The following ARID5B variants were observed in gnomAD, a reference collection of about 807,000 sequenced individuals.
The protein encoded by ARID5B is AT-rich interactive domain-containing protein 5B.
A neutral mutation model predicts 97.2 loss-of-function variants in ARID5B; 13 were observed. That is an observed-to-expected ratio of 0.13 (90% CI 0.09 to 0.21). ARID5B has a LOEUF of 0.21. Among genes scored for constraint, ARID5B ranks in the 10% least tolerant of loss-of-function variants. The probability of loss-of-function intolerance (pLI) is 1.00; values close to 1 mark genes in which losing one functional copy is unlikely to be tolerated. For missense variants in ARID5B, 1,210 were observed against 1,465.3 expected (o/e 0.83, Z 2.84); for synonymous variants, 556 against 570.3 (o/e 0.97, Z 0.36).
At chr10:61,909,971 G>A (rs1055576500) in intron 2 of ARID5B, among the ~76,000 whole-genome samples, 1 of 152,194 alleles carries the variant, frequency 6.6e-6, no homozygotes, top group Non-Finnish European at 1.5e-5. Context: ...GGGCTTTGGG[G>A]TGGCAACCTA....
chr10:62,041,650 A>G (rs1839639145), intron 4 of ARID5B, among the ~76,000 whole-genome samples: 1 of 152,198 alleles, frequency 6.6e-6, no homozygotes, highest in Non-Finnish European at 1.5e-5. Flanking sequence ...AAATATCTCC[A>G]TGTTAATCCA....
At chr10:62,090,034 C>T (rs557167821) in intron 9 of ARID5B, among the ~76,000 whole-genome samples, 30 of 152,252 alleles carry the variant, frequency 2.0e-4, no homozygotes, top group Non-Finnish European at 3.8e-4. Flanking sequence ...GTAAATGAGT[C>T]GAATTGGTAC....
chr10:61,947,066 G>A (rs990641184), intron 3 of ARID5B, among the ~76,000 whole-genome samples: 10 of 152,088 alleles, frequency 6.6e-5, no homozygotes, highest in Middle Eastern at 3.4e-3. Context: ...CCATGCATTC[G>A]TTAAAGAATT....
intron 4 of ARID5B, among the ~76,000 whole-genome samples, chr10:62,015,026 T>TAGA (rs1000764510): frequency 1.2e-4 from 19 of 152,212 alleles, no homozygotes; most frequent in Admixed American, 9.8e-4. Flanking sequence ...CTTCATTAAT[T>TAGA]AGAACAACTC....
In ARID5B at chr10:62,095,513, C is replaced by T. The variant is rs927441022; in HGVS notation, c.*2483C>T. 6 of 233,534 alleles carry T rather than the reference C, an allele frequency of 2.6e-5. No individual in the cohort carries two copies. Among genetic ancestry groups the T allele is most frequent in the African/African-American group, 1.3e-4 (6 of 45,338 alleles). The allele number at this position is 233,534 out of a possible 1,614,324, so 14.5% of individuals were successfully genotyped here. ...TCACACCATTTTCAAACAATGTTAA[C>T]ATAGTCCAGCTTTTGTTTTTCTCAT... is the stretch of plus-strand genomic sequence containing the variant. On this transcript the variant is annotated 3_prime_UTR_variant, in exon 10 of 10. Coordinates refer to ENST00000279873, the MANE Select transcript of ARID5B (RefSeq NM_032199.3).
chr10:61,982,718 G>C (rs1446539548), intron 3 of ARID5B, among the ~76,000 whole-genome samples: 1 of 152,206 alleles, frequency 6.6e-6, no homozygotes, highest in Non-Finnish European at 1.5e-5. Flanking sequence ...CAAAGCCTTA[G>C]AAGCTGTTAG....
chr10:61,950,146 T>A (rs1589231717), intron 3 of ARID5B, among the ~76,000 whole-genome samples: 1 of 152,160 alleles, frequency 6.6e-6, no homozygotes, highest in African/African-American at 2.4e-5. Context: ...TAGCTGGGAT[T>A]ACAGACATGT....
At chr10:61,907,230 AG>A (rs1207752354) in intron 2 of ARID5B, among the ~76,000 whole-genome samples, 2 of 128,298 alleles carry the variant, frequency 1.6e-5, no homozygotes, top group Non-Finnish European at 3.7e-5. Flanking sequence ...CTGGATCAGC[AG>A]GATTTTTTTT....
At chr10:61,945,079 A>T (rs1321071592) in intron 3 of ARID5B, among the ~76,000 whole-genome samples, 1 of 152,176 alleles carries the variant, frequency 6.6e-6, no homozygotes, top group African/African-American at 2.4e-5. Context: ...TTAAAAGAGC[A>T]GAGGGTGGGC....
chr10:62,026,532 T>G (rs1273710015), intron 4 of ARID5B, among the ~76,000 whole-genome samples: 1 of 152,248 alleles, frequency 6.6e-6, no homozygotes, highest in East Asian at 1.9e-4. Flanking sequence ...AAATGAATCC[T>G]TCTTGTCAGA....
intron 4 of ARID5B, among the ~76,000 whole-genome samples, chr10:62,031,603 G>A (rs1327970161): frequency 6.6e-6 from 1 of 152,170 alleles, no homozygotes; most frequent in East Asian, 1.9e-4. Flanking sequence ...CAGCTTATTT[G>A]AAATGAAAAG....
chr10:62,073,356 GT>G (rs1364333269), intron 8 of ARID5B, among the ~76,000 whole-genome samples: 1 of 152,208 alleles, frequency 6.6e-6, no homozygotes, highest in African/African-American at 2.4e-5. Context: ...AATGTAGCCA[GT>G]TCCTCAGTAA....
intron 7 of ARID5B, among the ~76,000 whole-genome samples, chr10:62,062,859 G>A (rs1477020995): frequency 6.6e-6 from 1 of 151,226 alleles, no homozygotes; most frequent in Non-Finnish European, 1.5e-5. Flanking sequence ...GAAAACTGAG[G>A]CACTGGGAGA....
intron 3 of ARID5B, among the ~76,000 whole-genome samples, chr10:61,988,932 T>C (rs1838883620): frequency 1.1e-5 from 1 of 90,738 alleles, no homozygotes; most frequent in Non-Finnish European, 2.1e-5. Context: ...TTTTTTTTCT[T>C]TTACTTTTTT....
chr10:61,987,149 G>A (rs1838858225), intron 3 of ARID5B, among the ~76,000 whole-genome samples: 1 of 152,210 alleles, frequency 6.6e-6, no homozygotes, highest in Non-Finnish European at 1.5e-5. Flanking sequence ...TTTCCCACAT[G>A]CGATCTGTTA....
At chr10:61,943,613 A>G (rs1408291861) in intron 3 of ARID5B, among the ~76,000 whole-genome samples, 2 of 152,162 alleles carry the variant, frequency 1.3e-5, no homozygotes, top group African/African-American at 4.8e-5. Flanking sequence ...CAAAATAATT[A>G]GATTGGTTCT....
chr10:61,970,253 G>A (rs12249208), intron 3 of ARID5B, among the ~76,000 whole-genome samples: 11,460 of 152,254 alleles, frequency 0.075, 497 homozygotes, highest in East Asian at 0.15. Context: ...AACATAATTC[G>A]TTCATTGTAT....
chr10:62,057,467 A>G (rs1024951582), intron 6 of ARID5B, 149 bp downstream of exon 6: 1 of 859,850 alleles, frequency 1.2e-6, no homozygotes, highest in Non-Finnish European at 1.8e-6. Context: ...TTCCAGGCCA[A>G]GAATTTTTTC....
chr10:62,088,900 A>G (rs901898465), intron 9 of ARID5B, among the ~76,000 whole-genome samples: 4 of 152,216 alleles, frequency 2.6e-5, no homozygotes, highest in Admixed American at 6.5e-5. Context: ...TGGGAAGCTA[A>G]CATTTAACAT....
Sources: allele counts gnomAD v4.1 joint callset (sites outside exome capture counted in the v4.1 genomes callset), GRCh38; gene constraint gnomAD v4.1.1; transcripts MANE v1.5; gene names NCBI Gene and HGNC (gene_info 2026-07-23, HGNC 2026-07-21).